The following CDIN1 variants were observed in gnomAD, a reference collection of about 807,000 sequenced individuals.
CDIN1 encodes the protein CDAN1 interacting nuclease 1.
CDIN1 carries 33 observed loss-of-function variants against 45.3 expected under a neutral mutation model. The ratio of observed to expected loss-of-function variants is 0.73; its 90% CI spans 0.55 to 0.97. CDIN1 has a LOEUF of 0.97. Among genes scored for constraint, CDIN1 ranks in the 50% least tolerant of loss-of-function variants. The probability of loss-of-function intolerance (pLI) is 0.00; values close to 1 mark genes in which losing one functional copy is unlikely to be tolerated. For missense variants in CDIN1, 303 were observed against 339.4 expected (o/e 0.89, Z 0.84); for synonymous variants, 118 against 124.4 (o/e 0.95, Z 0.34).
intron 10 of CDIN1, among the ~76,000 whole-genome samples, chr15:36,716,725 C>T (rs935189215): frequency 5.3e-5 from 8 of 152,062 alleles, no homozygotes; most frequent in Non-Finnish European, 1.0e-4. Context: ...TCTTCTTTAC[C>T]GAGCCTCAAC....
intron 10 of CDIN1, among the ~76,000 whole-genome samples, chr15:36,750,461 G>C (rs2053430192): frequency 6.6e-6 from 1 of 152,168 alleles, no homozygotes; most frequent in South Asian, 2.1e-4. Context: ...TAATTCATCA[G>C]CGTCAGAGCC....
At chr15:36,586,076 A>G (rs79591295) in intron 1 of CDIN1, among the ~76,000 whole-genome samples, 2,321 of 152,222 alleles carry the variant, frequency 0.015, 59 homozygotes, top group African/African-American at 0.053. Flanking sequence ...AGTCTGACCA[A>G]CATCTAGCAG....
chr15:36,613,981 C>CT (rs1265529999), intron 1 of CDIN1: 1 of 1,523,216 alleles, frequency 6.6e-7, no homozygotes. Flanking sequence ...CCTGAAGTGT[C>CT]TGAGTGCTGC....
At chr15:36,609,556 A>T (rs1188842935) in intron 1 of CDIN1, among the ~76,000 whole-genome samples, 1 of 152,180 alleles carries the variant, frequency 6.6e-6, no homozygotes, top group Non-Finnish European at 1.5e-5. Context: ...GCTTGAAGCC[A>T]GGAGTTTGAG....
chr15:36,803,483 C>T (rs963663783), intron 10 of CDIN1, among the ~76,000 whole-genome samples: 3 of 152,060 alleles, frequency 2.0e-5, no homozygotes, highest in African/African-American at 7.2e-5. Flanking sequence ...TTTGTGTAAA[C>T]ATTCCCAATT....
intron 7 of CDIN1, chr15:36,696,492 C>T (rs1475564038): frequency 6.6e-6 from 1 of 152,222 alleles, no homozygotes; most frequent in African/African-American, 2.4e-5. Context: ...AGGAATTCTT[C>T]TAGGGCAAAG....
At chr15:36,685,197 G>C (rs2041997080) in intron 5 of CDIN1, among the ~76,000 whole-genome samples, 2 of 150,638 alleles carry the variant, frequency 1.3e-5, no homozygotes, top group South Asian at 4.3e-4. Context: ...GATCTTTCCT[G>C]CTTTCTCTTG....
intron 1 of CDIN1, among the ~76,000 whole-genome samples, chr15:36,625,104 C>A (rs769122228): frequency 2.6e-5 from 4 of 151,722 alleles, no homozygotes; most frequent in African/African-American, 9.7e-5. Context: ...AGTGAAACCC[C>A]GTCTCTACTA....
At chr15:36,805,508 T>C (rs1468183258) in intron 10 of CDIN1, among the ~76,000 whole-genome samples, 1 of 152,170 alleles carries the variant, frequency 6.6e-6, no homozygotes, top group Non-Finnish European at 1.5e-5. Context: ...TAAATAAGAA[T>C]AGGCATCAAA....
chr15:36,614,498 T>C (rs2038794009), intron 1 of CDIN1, among the ~76,000 whole-genome samples: 1 of 152,248 alleles, frequency 6.6e-6, no homozygotes, highest in South Asian at 2.1e-4. Context: ...AATTACCTTT[T>C]TTGTTGTTTT....
In CDIN1 at chr15:36,648,083, G is replaced by C. The variant is rs992591438; in HGVS notation, c.212+2796G>C. Among the ~76,000 whole-genome samples, 22 of 151,952 alleles carry C rather than the reference G, an allele frequency of 1.4e-4. No individual in the cohort carries two copies. In the South Asian group the frequency reaches 4.4e-3, roughly 30 times the overall value. On this transcript the variant is annotated intron_variant, in intron 3 of 10. Coordinates refer to ENST00000566621, the MANE Select transcript of CDIN1 (RefSeq NM_001321759.2). Reference sequence around the variant, plus strand: ...CTCGATCTCCTGACCTTGTGATCCGGCCGCCTCGGCCTCCCAAAGTGCTGG... The same window carrying C: ...CTCGATCTCCTGACCTTGTGATCCGCCCGCCTCGGCCTCCCAAAGTGCTGG...
At chr15:36,807,871 T>A (rs947559885) in intron 10 of CDIN1, among the ~76,000 whole-genome samples, 6 of 152,340 alleles carry the variant, frequency 3.9e-5, no homozygotes, top group Admixed American at 3.3e-4. Flanking sequence ...TGCATTTTTT[T>A]AAATTCTGTT....
chr15:36,712,339 C>A (rs2043084566), intron 10 of CDIN1, among the ~76,000 whole-genome samples: 1 of 132,842 alleles, frequency 7.5e-6, no homozygotes, highest in African/African-American at 2.9e-5. Context: ...GATATCGGCT[C>A]ACTGAAACCT....
intron 10 of CDIN1, among the ~76,000 whole-genome samples, chr15:36,733,905 A>G (rs2043921503): frequency 6.6e-6 from 1 of 152,200 alleles, no homozygotes; most frequent in Non-Finnish European, 1.5e-5. Context: ...TCTGGAAAAT[A>G]GATTTAATTA....
chr15:36,687,278 G>T lies in CDIN1; in HGVS notation c.347-4407G>T, dbSNP rs556780010. Among the ~76,000 whole-genome samples, 25 of 152,194 alleles carry T rather than the reference G, an allele frequency of 1.6e-4. No individual in the cohort carries two copies. In the Middle Eastern group the frequency reaches 0.01, roughly 62 times the overall value. ...TAAAAAAGCTTAGATTGTCAAATTT[G>T]ATTTTAGAAAATCCAACAAAATACT... On this transcript the variant is annotated intron_variant, in intron 5 of 10. Transcript: ENST00000566621.
At chr15:36,677,702 G>A (rs1210469661) in intron 5 of CDIN1, among the ~76,000 whole-genome samples, 18 of 152,134 alleles carry the variant, frequency 1.2e-4, no homozygotes, top group Non-Finnish European at 7.4e-5. Context: ...ATGAGGGAGA[G>A]GAAGGCAAGT....
chr15:36,600,421 C>A (rs562017890), intron 1 of CDIN1, among the ~76,000 whole-genome samples: 160 of 152,256 alleles, frequency 1.1e-3, no homozygotes, highest in Non-Finnish European at 1.3e-3. Context: ...TAAGCATACT[C>A]CCAGGCTTTG....
intron 10 of CDIN1, among the ~76,000 whole-genome samples, chr15:36,778,843 T>C (rs1345579731): frequency 1.3e-5 from 2 of 152,168 alleles, no homozygotes. Context: ...AATGCTGAAA[T>C]AAATATTTAA....
intron 1 of CDIN1, among the ~76,000 whole-genome samples, chr15:36,642,977 G>A (rs1290271161): frequency 6.6e-6 from 1 of 152,046 alleles, no homozygotes; most frequent in African/African-American, 2.4e-5. Flanking sequence ...AACCCTACTA[G>A]GGTATGTGAT....
Sources: gnomAD v4.1 joint callset for allele counts (sites outside exome capture counted in the v4.1 genomes callset) on GRCh38, gnomAD v4.1.1 for gene constraint, MANE v1.5 for transcripts, NCBI Gene and HGNC (gene_info 2026-07-23, HGNC 2026-07-21) for gene names.